ACACA: variants seen among roughly 807,000 people sequenced by gnomAD.
The protein encoded by ACACA is acetyl-CoA carboxylase 1.
Under a neutral mutation model 296.1 loss-of-function variants are expected in ACACA, and 103 were observed. That is an observed-to-expected ratio of 0.35 (90% CI 0.30 to 0.41). The LOEUF (loss-of-function observed/expected upper bound fraction) is 0.41. Among genes scored for constraint, ACACA ranks in the 10% least tolerant of loss-of-function variants. The pLI, the probability that ACACA is intolerant of heterozygous loss-of-function variation, is 1.00. For missense variants in ACACA, 1,554 were observed against 2,989.7 expected (o/e 0.52, Z 11.20); for synonymous variants, 953 against 1,038.6 (o/e 0.92, Z 1.58).
chr17:37,188,223 G>A (rs186196282), intron 39 of ACACA, 54 bp downstream of exon 39: 2 of 1,546,496 alleles, frequency 1.3e-6, no homozygotes, highest in African/African-American at 2.7e-5. Context: ...AAGGACGAGT[G>A]TCTTATCTGT....
Position 37,097,978 on chromosome 17 carries a change from G to A in ACACA, c.6572C>T (p.Pro2191Leu). 3 of 1,614,126 alleles carry A rather than the reference G, an allele frequency of 1.9e-6. No homozygotes were observed. The highest frequency in any genetic ancestry group is 2.5e-6 in the Non-Finnish European group (3 of 1,180,012). ...YIHLAERLGT[P>L]ELSTAERKEL... ...CTTCCGCTCAGCTGTGCTTAGCTCT[G>A]GGGTCCCTGCAATTAGATAAACATG... is the stretch of plus-strand genomic sequence containing the variant. Residue 2191 changes from proline (P) to leucine (L), a missense_variant, in exon 53 of 56, where the codon CCA (proline) becomes CTA (leucine). Physicochemically the swap from Pro to Leu is moderately conservative, Grantham distance 98. Transcript: ENST00000616317. This position sits in a 1 kb window ranked among gnomAD's most constrained non-coding sequence, Gnocchi z 4.8.
chr17:37,264,821 A>G (rs2081677274), intron 10 of ACACA, among the ~76,000 whole-genome samples: 1 of 152,206 alleles, frequency 6.6e-6, no homozygotes, highest in Non-Finnish European at 1.5e-5. Flanking sequence ...GTAGCAAGTC[A>G]TCTCAAAACT....
At chr17:37,390,129 T>G (rs8076683) in intron 1 of ACACA, among the ~76,000 whole-genome samples, 1,254 of 47,408 alleles carry the variant, frequency 0.026, 53 homozygotes, top group African/African-American at 0.12. Flanking sequence ...CTGTCTCTAT[T>G]AAAAAAAAAA....
intron 3 of ACACA, chr17:37,329,059 A>G (rs2047741875): frequency 2.5e-6 from 1 of 397,726 alleles, no homozygotes; most frequent in South Asian, 1.3e-4. Context: ...AATAAAAACA[A>G]TCTAGTGTTA....
intron 45 of ACACA, among the ~76,000 whole-genome samples, chr17:37,137,792 T>C (rs1220311365): frequency 6.6e-6 from 1 of 152,234 alleles, no homozygotes; most frequent in Non-Finnish European, 1.5e-5. Flanking sequence ...CTAAGTACTA[T>C]AAAGTCATAT....
chr17:37,129,944 A>T, intron 46 of ACACA, 131 bp downstream of exon 46: 1 of 1,306,758 alleles, frequency 7.7e-7, no homozygotes, highest in East Asian at 2.3e-5. Context: ...AGAAATCAAT[A>T]GCTTTCAGAG....
intron 1 of ACACA, among the ~76,000 whole-genome samples, chr17:37,340,671 G>T (rs190716031): frequency 5.5e-4 from 84 of 152,276 alleles, no homozygotes; most frequent in Admixed American, 2.1e-3. Context: ...CAACATTTAG[G>T]AATATTAGGA....
chr17:37,258,367 T>C lies in ACACA; in HGVS notation c.1507A>G (p.Met503Val). ...NLPAAQLQIA[M>V]GIPLYRIKDI... ...TTGATTCTATATAGAGGAATCCCCA[T>C]GGCAATCTGAAAGGTAATAAAACAC... is the stretch of plus-strand genomic sequence containing the variant. The change falls in exon 13 of 56, where the codon ATG becomes GTG. Residue 503 changes from methionine (M) to valine (V), a missense_variant. Physicochemically the swap from Met to Val is conservative, Grantham distance 21 (BLOSUM62 1). Coordinates refer to ENST00000616317, the MANE Select transcript of ACACA (RefSeq NM_198834.3). 6.2e-7 allele frequency: 1 copy of C among 1,614,020 alleles called. No homozygotes were observed. The highest frequency in any genetic ancestry group is 8.5e-7 in the Non-Finnish European group (1 of 1,179,906).
intron 3 of ACACA, among the ~76,000 whole-genome samples, chr17:37,312,668 C>T (rs1653203112): frequency 6.6e-6 from 1 of 152,040 alleles, no homozygotes; most frequent in East Asian, 1.9e-4. Context: ...TAGTTAAAGG[C>T]CATTGTAATA....
At chr17:37,221,631 T>TA (rs1419997976) in intron 29 of ACACA, 93 bp downstream of exon 29, 3 of 1,127,338 alleles carry the variant, frequency 2.7e-6, no homozygotes, top group African/African-American at 1.5e-5. Flanking sequence ...CATTTCTAAC[T>TA]AAAAAAACAT....
chr17:37,149,877 C>T lies in ACACA; in HGVS notation c.5666G>A (p.Gly1889Glu), dbSNP rs2075966535. 6.2e-7 allele frequency: 1 copy of T among 1,613,984 alleles called. No individual in the cohort carries two copies. Among genetic ancestry groups the T allele is most frequent in the South Asian group, 1.1e-5 (1 of 91,080 alleles). Residue 1889 changes from glycine to glutamate, a missense_variant, in exon 45 of 56, where the codon GGA (glycine) becomes GAA (glutamate). Gly to Glu is a moderately conservative substitution (Grantham distance 98). Coordinates refer to ENST00000616317, the MANE Select transcript of ACACA (RefSeq NM_198834.3). Reference sequence around the variant, plus strand: ...CTAGAAACTTACTTTGTTGAGGGCTCCAGCTCCTGTTAGAATTAAGTGAGA... The same window carrying T: ...CTAGAAACTTACTTTGTTGAGGGCTTCAGCTCCTGTTAGAATTAAGTGAGA... ...ENSHLILTGA[G>E]ALNKVLGREV...
Position 37,129,630 on chromosome 17 carries a change from A to G in ACACA, c.5824-145T>C, listed in dbSNP as rs139959794. 4.3e-3 allele frequency: 4,792 copies of G among 1,124,390 alleles called. 19 individuals are homozygous for G. Among genetic ancestry groups the G allele is most frequent in the Non-Finnish European group, 5.4e-3 (4,172 of 770,924 alleles). 69.7% of individuals were successfully genotyped at this position (1,124,390 alleles called of 1,614,324 possible). A position where few individuals can be genotyped will look rare whatever the true frequency, so the allele number is the denominator to read the frequency against. Reference sequence around the variant, plus strand: ...CCCAATCTTCAGCTGGAAGAATCCTACGTATGTGCCAGGCCCCAAGGAACA... The same window carrying G: ...CCCAATCTTCAGCTGGAAGAATCCTGCGTATGTGCCAGGCCCCAAGGAACA... On this transcript the variant is annotated intron_variant, in intron 46 of 55. Transcript: ENST00000616317.
At chr17:37,372,746 A>C (rs1005049426) in intron 1 of ACACA, among the ~76,000 whole-genome samples, 1 of 152,222 alleles carries the variant, frequency 6.6e-6, no homozygotes, top group African/African-American at 2.4e-5. Context: ...TTGTGGGAAA[A>C]GGAGATCAGA....
intron 36 of ACACA, among the ~76,000 whole-genome samples, chr17:37,193,166 T>C (rs936384441): frequency 2.6e-5 from 4 of 152,142 alleles, no homozygotes; most frequent in Middle Eastern, 3.2e-3. Flanking sequence ...CTTCGTTGAG[T>C]AGCTCAATAC....
At chr17:37,295,261 G>A (rs189680267) in intron 3 of ACACA, among the ~76,000 whole-genome samples, 13 of 152,206 alleles carry the variant, frequency 8.5e-5, no homozygotes, top group Non-Finnish European at 1.3e-4. Flanking sequence ...CCCACCAACC[G>A]TCCCAAGTTG....
chr17:37,159,426 T>C (rs904688249), intron 42 of ACACA, among the ~76,000 whole-genome samples: 1 of 152,166 alleles, frequency 6.6e-6, no homozygotes, highest in Non-Finnish European at 1.5e-5. Flanking sequence ...TTCGCTATGT[T>C]AGCCAGGCTG....
intron 41 of ACACA, among the ~76,000 whole-genome samples, chr17:37,164,485 A>G (rs1161035144): frequency 2.0e-5 from 3 of 152,218 alleles, no homozygotes; most frequent in Admixed American, 2.0e-4. Context: ...TACAAGTCAA[A>G]ATGGATATGA....
intron 44 of ACACA, among the ~76,000 whole-genome samples, chr17:37,150,913 A>G (rs367606876): frequency 1.3e-4 from 19 of 150,902 alleles, no homozygotes; most frequent in East Asian, 1.2e-3. Context: ...TTAGCTGGGC[A>G]TGGTGGCACT....
rs117782053 is a variant in ACACA, at chr17:37,376,130, C to T, written c.38+30132G>A. 1.4e-3 allele frequency: 2,241 copies of T among 1,612,570 alleles called. 60 individuals are homozygous for T. In the East Asian group the frequency reaches 0.048, roughly 35 times the overall value. On this transcript the variant is annotated intron_variant, in intron 1 of 55. Transcript: ENST00000616317. Reference sequence around the variant, plus strand: ...TTGGTCTTCAGCCTAATCATTGCATCCTATGATGCCAACAAGAAAGGTATG... The same window carrying T: ...TTGGTCTTCAGCCTAATCATTGCATTCTATGATGCCAACAAGAAAGGTATG...
Sources: gnomAD v4.1 joint callset for allele counts (sites outside exome capture counted in the v4.1 genomes callset) on GRCh38, gnomAD v4.1.1 for gene constraint, Gnocchi (gnomAD v3.1) non-coding constraint, MANE v1.5 for transcripts, NCBI Gene and HGNC (gene_info 2026-07-23, HGNC 2026-07-21) for gene names.